Variants in PDGFD observed in about 807,000 individuals in gnomAD.
The protein encoded by PDGFD is platelet derived growth factor D.
In PDGFD, 30 loss-of-function variants were observed where a neutral mutation model predicts 44.7. The observed-to-expected ratio is 0.67, with a 90% confidence interval of 0.50 to 0.91. PDGFD has a LOEUF of 0.91. PDGFD is among the 40% of genes least tolerant of loss of function. PDGFD has a pLI of 0.00. For missense variants in PDGFD, 445 were observed against 457.8 expected (o/e 0.97, Z 0.25); for synonymous variants, 173 against 168.4 (o/e 1.03, Z -0.21).
chr11:103,930,790 T>C (rs1477583762), intron 5 of PDGFD, among the ~76,000 whole-genome samples: 1 of 152,232 alleles, frequency 6.6e-6, no homozygotes, highest in African/African-American at 2.4e-5. Flanking sequence ...ATTTTCACAA[T>C]GTCATTAATA....
intron 1 of PDGFD, among the ~76,000 whole-genome samples, chr11:104,078,709 G>C (rs1477150308): frequency 6.6e-6 from 1 of 151,840 alleles, no homozygotes; most frequent in Non-Finnish European, 1.5e-5. Flanking sequence ...TTTTGGAAGT[G>C]GTATATCAAA....
intron 1 of PDGFD, among the ~76,000 whole-genome samples, chr11:104,132,801 C>A (rs1412373560): frequency 6.6e-6 from 1 of 152,026 alleles, no homozygotes; most frequent in Non-Finnish European, 1.5e-5. Context: ...AATAAATCAA[C>A]CTCCTTAATA....
chr11:104,084,952 A>G (rs1230317320), intron 1 of PDGFD, among the ~76,000 whole-genome samples: 1 of 144,980 alleles, frequency 6.9e-6, no homozygotes, highest in Non-Finnish European at 1.5e-5. Flanking sequence ...ATCACATATA[A>G]ATAAATAAAA....
At chr11:104,127,750 A>G (rs1292611021) in intron 1 of PDGFD, among the ~76,000 whole-genome samples, 1 of 152,154 alleles carries the variant, frequency 6.6e-6, no homozygotes, top group Non-Finnish European at 1.5e-5. Flanking sequence ...CTCAAAAAAT[A>G]AAGATGAATA....
chr11:104,022,574 A>G (rs1859977270), intron 1 of PDGFD, among the ~76,000 whole-genome samples: 1 of 152,160 alleles, frequency 6.6e-6, no homozygotes, highest in Admixed American at 6.6e-5. Context: ...GGGGAAAGGA[A>G]AAAAACTGAC....
rs140315728 is a variant in PDGFD at position 104,067,077 on chromosome 11, C to T, written c.125-66822G>A. 5.3e-3 allele frequency among the ~76,000 whole-genome samples: 814 copies of T among 152,206 alleles called. 3 individuals carry two copies. Among genetic ancestry groups the T allele is most frequent in the South Asian group, 0.01 (49 of 4,812 alleles). ...TTTGTCATTCTTTTAGTTTTCTCCC[C>T]ATAACATTTGCTGAATATATAAATG... On this transcript the variant is annotated intron_variant, in intron 1 of 6. Coordinates refer to ENST00000393158, the MANE Select transcript of PDGFD (RefSeq NM_025208.5).
intron 1 of PDGFD, among the ~76,000 whole-genome samples, chr11:104,017,733 A>G (rs1185182999): frequency 6.6e-6 from 1 of 152,180 alleles, no homozygotes; most frequent in Non-Finnish European, 1.5e-5. Context: ...TTATGTCTTT[A>G]TCTTACTACA....
At chr11:104,044,754 C>G (rs1002097340) in intron 1 of PDGFD, among the ~76,000 whole-genome samples, 1 of 152,164 alleles carries the variant, frequency 6.6e-6, no homozygotes, top group African/African-American at 2.4e-5. Context: ...AACTGATATT[C>G]TTGGCCGGGC....
At chr11:103,953,179 T>C (rs192543964) in intron 3 of PDGFD, among the ~76,000 whole-genome samples, 39 of 152,216 alleles carry the variant, frequency 2.6e-4, no homozygotes, top group South Asian at 2.1e-4. Flanking sequence ...GATGTATATA[T>C]ACAAAATGTA....
chr11:104,140,175 C>T (rs1414046024), intron 1 of PDGFD, among the ~76,000 whole-genome samples: 1 of 152,088 alleles, frequency 6.6e-6, no homozygotes, highest in Non-Finnish European at 1.5e-5. Flanking sequence ...AAATTAAATC[C>T]TAATTAAACC....
At chr11:104,064,292 T>C (rs2134416205) in intron 1 of PDGFD, among the ~76,000 whole-genome samples, 1 of 152,368 alleles carries the variant, frequency 6.6e-6, no homozygotes, top group Admixed American at 6.5e-5. Context: ...ATACATCGAC[T>C]GGGCTTACAA....
chr11:103,943,928 C>T (rs1014640340), intron 4 of PDGFD, among the ~76,000 whole-genome samples: 11 of 150,442 alleles, frequency 7.3e-5, no homozygotes, highest in East Asian at 2.0e-4. Context: ...AAATATAGAA[C>T]GAGATAGAAA....
chr11:103,933,186 G>C (rs1029084190), intron 5 of PDGFD, among the ~76,000 whole-genome samples: 11 of 152,120 alleles, frequency 7.2e-5, no homozygotes, highest in African/African-American at 2.7e-4. Flanking sequence ...GATGCTTTGG[G>C]GTGGGGTGGG....
chr11:104,106,114 G>A (rs966941059), intron 1 of PDGFD, among the ~76,000 whole-genome samples: 11 of 152,130 alleles, frequency 7.2e-5, no homozygotes, highest in African/African-American at 2.7e-4. Flanking sequence ...TTTCTGAACT[G>A]AGGAGCAGAG....
At chr11:104,104,618 A>C (rs549557055) in intron 1 of PDGFD, among the ~76,000 whole-genome samples, 1 of 152,172 alleles carries the variant, frequency 6.6e-6, no homozygotes, top group East Asian at 1.9e-4. Context: ...GCTACAAACC[A>C]TCTATAGCTT....
rs78089267 is a variant in PDGFD at position 103,944,738 on chromosome 11, C to T, written c.574-1088G>A. Among the ~76,000 whole-genome samples, 225 of 152,254 alleles carry T rather than the reference C, an allele frequency of 1.5e-3. 1 individual carries two copies. Among genetic ancestry groups the T allele is most frequent in the African/African-American group, 5.2e-3 (217 of 41,544 alleles). ...TCAGGCAATGTTGTCTCTCTTTAAC[C>T]AATCAAGGTCCAAAGGTTGCTAAGT... On this transcript the variant is annotated intron_variant, in intron 4 of 6. Coordinates refer to ENST00000393158, the MANE Select transcript of PDGFD (RefSeq NM_025208.5).
chr11:104,105,440 A>C (rs1398450549), intron 1 of PDGFD, among the ~76,000 whole-genome samples: 1 of 152,202 alleles, frequency 6.6e-6, no homozygotes, highest in African/African-American at 2.4e-5. Context: ...GTTGAGAGCA[A>C]ACTATGGAGA....
intron 1 of PDGFD, among the ~76,000 whole-genome samples, chr11:104,035,950 A>G (rs260800): frequency 0.031 from 4,678 of 152,198 alleles, 258 homozygotes; most frequent in African/African-American, 0.11. Flanking sequence ...TAGTATTGTG[A>G]TTACCCATTC....
At chr11:103,942,943 G>C (rs563141256) in intron 5 of PDGFD, among the ~76,000 whole-genome samples, 1 of 151,988 alleles carries the variant, frequency 6.6e-6, no homozygotes, top group Admixed American at 6.6e-5. Flanking sequence ...ATAAGAAGCT[G>C]GTTCAGATAA....
Sources: gnomAD v4.1 joint callset for allele counts (sites outside exome capture counted in the v4.1 genomes callset) on GRCh38, gnomAD v4.1.1 for gene constraint, MANE v1.5 for transcripts, NCBI Gene and HGNC (gene_info 2026-07-23, HGNC 2026-07-21) for gene names.